SI: variants seen among roughly 807,000 people sequenced by gnomAD.
SI encodes sucrase-isomaltase, intestinal.
In SI, 235 loss-of-function variants were observed where a neutral mutation model predicts 253.3. The observed-to-expected ratio is 0.93, with a 90% CI of 0.83 to 1.03. The LOEUF is 1.03. SI is among the 50% of genes least tolerant of loss of function. The pLI, the probability that SI is intolerant of heterozygous loss-of-function variation, is 0.00. For synonymous variants in SI, 819 were observed against 712.0 expected, an observed-to-expected ratio of 1.15 and a Z score of -2.39; for missense variants, 2,442 against 2,211.1, an observed-to-expected ratio of 1.10 and a Z score of -2.09.
chr3:165,025,649 A>C (rs1315340814), intron 25 of SI, among the ~76,000 whole-genome samples: 1 of 151,256 alleles, frequency 6.6e-6, no homozygotes, highest in African/African-American at 2.4e-5. Flanking sequence ...CTCAGCAGAA[A>C]CCCTACAAGC....
intron 17 of SI, among the ~76,000 whole-genome samples, chr3:165,041,583 A>G (rs955315088): frequency 6.6e-6 from 1 of 152,052 alleles, no homozygotes; most frequent in Non-Finnish European, 1.5e-5. Flanking sequence ...GTCTTATCCC[A>G]TTGCTATTAG....
intron 15 of SI, among the ~76,000 whole-genome samples, chr3:165,048,582 T>TAGAGAGAGAG (rs773093036): frequency 9.0e-6 from 1 of 111,716 alleles, no homozygotes. Flanking sequence ...TATATATATA[T>TAGAGAGAGAG]ATAGAGAGAG....
chr3:165,063,368 G>T (rs549746116), intron 8 of SI, 74 bp downstream of exon 8: 10 of 721,686 alleles, frequency 1.4e-5, no homozygotes, highest in Non-Finnish European at 2.5e-5. Context: ...CAATATGAAT[G>T]ATTGAAATAA....
chr3:165,051,556 T>A (rs1448698157), intron 13 of SI, among the ~76,000 whole-genome samples: 1 of 152,090 alleles, frequency 6.6e-6, no homozygotes, highest in South Asian at 2.1e-4. Context: ...TTTTTCTTCA[T>A]GATTCCGCCA....
At position 164,996,764 on chromosome 3, in the gene SI, C is replaced by T; in HGVS notation, c.4549G>A (p.Glu1517Lys). ...TATGACATTCCAAACAGACTAAATT[C>T]CATCATACCTGAAAAAGTTAGAAAA... ...NMDKSIIGMM[E>K]FSLFGMSYTG... The change falls in exon 39 of 48, where the codon GAA becomes AAA. Residue 1517 changes from glutamate (E) to lysine (K), a missense_variant. Physicochemically the swap from Glu to Lys is moderately conservative, Grantham distance 56 (BLOSUM62 1). Transcript: ENST00000264382. 1.9e-6 allele frequency: 2 copies of T among 1,037,756 alleles called. No homozygotes were observed. Among genetic ancestry groups the T allele is most frequent in the Non-Finnish European group, 2.9e-6 (2 of 685,894 alleles). 64.3% of individuals were successfully genotyped at this position (1,037,756 alleles called of 1,614,324 possible).
chr3:164,996,384 CA>C, intron 40 of SI, 150 bp downstream of exon 40: 4 of 609,024 alleles, frequency 6.6e-6, no homozygotes, highest in South Asian at 2.0e-5. Context: ...CCCAGATACT[CA>C]AAAAAAGTTC....
chr3:165,034,303 T>C (rs1048581414), intron 22 of SI, among the ~76,000 whole-genome samples: 1 of 152,016 alleles, frequency 6.6e-6, no homozygotes, highest in Non-Finnish European at 1.5e-5. Flanking sequence ...ATTCATATTC[T>C]TAACTACTTA....
At position 164,994,304 on chromosome 3, in the gene SI, A is replaced by C. The variant is rs144187804; in HGVS notation, c.4794T>G (p.His1598Gln). The C allele has an allele frequency of 1.2e-6, 2 of 1,611,334 alleles. No homozygotes were observed. Among genetic ancestry groups the C allele is most frequent in the Non-Finnish European group, 1.7e-6 (2 of 1,178,082 alleles). Reference protein sequence around the residue: ...TLLPYFYTQMHEIHANGGTVI... With the variant: ...TLLPYFYTQMQEIHANGGTVI... ...CAGTGCCACCATTAGCATGAATTTC[A>C]TGCATTTGTGTGTAAAAATAGGGCA... Residue 1598 changes from histidine to glutamine, a missense_variant, in exon 41 of 48, where the codon CAT (histidine) becomes CAG (glutamine). Physicochemically the swap from His to Gln is conservative, Grantham distance 24. Transcript: ENST00000264382.
rs1014866775 is a variant in SI at position 164,978,898 on chromosome 3, T to C, written c.*464A>G. On this transcript the variant is annotated 3_prime_UTR_variant, in exon 48 of 48. Transcript: ENST00000264382. ...AAATAAAGACAAAATGCACATTTTA[T>C]ACACTTACATTTTTTATTCTCTTTT... is the stretch of plus-strand genomic sequence containing the variant. The C allele has an allele frequency of 6.5e-6, 1 of 153,102 alleles. No individual in the cohort carries two copies. The highest frequency in any genetic ancestry group is 1.5e-5 in the Non-Finnish European group (1 of 68,840). The allele number at this position is 153,102 out of a possible 1,614,324, so 9.5% of individuals were successfully genotyped here.
chr3:164,991,423 T>G lies in SI; in HGVS notation c.5038A>C (p.Thr1680Pro). 2.5e-6 allele frequency: 4 copies of G among 1,613,512 alleles called. No individual in the cohort carries two copies. Among genetic ancestry groups the G allele is most frequent in the Non-Finnish European group, 3.4e-6 (4 of 1,179,534 alleles). The change falls in exon 44 of 48, where the codon ACA becomes CCA. Residue 1680 changes from threonine (T) to proline (P), a missense_variant. Coordinates refer to ENST00000264382, the MANE Select transcript of SI (RefSeq NM_001041.4). ...QFQTFNASYD[T>P]INLHVRGGHI... The stretch of plus-strand genomic sequence containing the variant: ...CCACCACGGACATGTAGGTTTATTG[T>G]GTCATAAGAAGCATTAAATGTTTGA...
chr3:165,068,984 A>G (rs1714402642), intron 4 of SI, 94 bp downstream of exon 4: 2 of 1,068,092 alleles, frequency 1.9e-6, no homozygotes, highest in Admixed American at 1.8e-5. Context: ...TCTCAGGAAC[A>G]TATTTCTTAT....
chr3:165,012,780 T>TA (rs1718830334), intron 34 of SI, among the ~76,000 whole-genome samples, 200 bp downstream of exon 34: 1 of 152,160 alleles, frequency 6.6e-6, no homozygotes, highest in African/African-American at 2.4e-5. Context: ...AAGCAAAATA[T>TA]AAAATTGCTT....
At chr3:165,033,022 A>G (rs1348055800) in intron 23 of SI, among the ~76,000 whole-genome samples, 2 of 151,492 alleles carry the variant, frequency 1.3e-5, no homozygotes, top group African/African-American at 2.4e-5. Flanking sequence ...AATCATTTCT[A>G]TTAACTATTC....
chr3:165,073,168 ATTTCTCTCTCTCTCTCTCTCTCTCTC>A (rs1560020273), intron 3 of SI, among the ~76,000 whole-genome samples: 1 of 132,612 alleles, frequency 7.5e-6, no homozygotes, highest in Non-Finnish European at 1.6e-5. Flanking sequence ...AGCTTCAATC[ATTTCTCTCTCTCTCTCTCTCTCTCTC>A]TCTCTCTCTC....
chr3:165,076,763 G>A (rs1715006323), intron 1 of SI, among the ~76,000 whole-genome samples: 1 of 151,498 alleles, frequency 6.6e-6, no homozygotes, highest in East Asian at 1.9e-4. Context: ...AATGTAGACA[G>A]GAAAGAACAC....
chr3:165,015,322 A>T, intron 32 of SI, 89 bp from the exon 33 acceptor site: 1 of 824,494 alleles, frequency 1.2e-6, no homozygotes, highest in East Asian at 2.6e-5. Flanking sequence ...TTTCATTACT[A>T]CATTATCATA....
At position 165,065,464 on chromosome 3, in the gene SI, A is replaced by AATATATATATATATAT. The variant is rs66946322; in HGVS notation, c.636-48_636-33dup. ...CATAAAAGAAATAAAGAAATAATCT[A>AATATATATATATATAT]ATATATATATATATATATATATATA... On this transcript the variant is annotated intron_variant, in intron 6 of 47. Transcript: ENST00000264382. 536 of 209,210 alleles carry AATATATATATATATAT rather than the reference A, an allele frequency of 2.6e-3. 31 individuals carry two copies. The highest frequency in any genetic ancestry group is 0.011 in the African/African-American group (249 of 23,424). 13.0% of individuals were successfully genotyped at this position (209,210 alleles called of 1,614,324 possible).
the SI span, among the ~76,000 whole-genome samples, chr3:165,086,731 T>C: frequency 5.9e-5 from 9 of 152,330 alleles, no homozygotes; most frequent in African/African-American, 2.2e-4. Flanking sequence ...CTCAAAGAGT[T>C]ACAGGATATT....
chr3:165,000,008 A>T (rs920935942), intron 37 of SI, among the ~76,000 whole-genome samples: 1 of 151,268 alleles, frequency 6.6e-6, no homozygotes, highest in South Asian at 2.1e-4. Context: ...CATTACATAT[A>T]TTTTTTTGAA....
Sources: gnomAD v4.1 joint callset for allele counts (sites outside exome capture counted in the v4.1 genomes callset) on GRCh38, gnomAD v4.1.1 for gene constraint, MANE v1.5 for transcripts, NCBI Gene and HGNC (gene_info 2026-07-23, HGNC 2026-07-21) for gene names.